Variants in PPFIA2 observed in about 807,000 individuals in gnomAD.
The protein encoded by PPFIA2 is PPFI scaffold protein A2.
Under a neutral mutation model 175.5 loss-of-function variants are expected in PPFIA2, and 46 were observed. The observed-to-expected ratio is 0.26, with a 90% CI of 0.21 to 0.34. The LOEUF (loss-of-function observed/expected upper bound fraction) is 0.34, where lower values mean the gene tolerates loss of function less well. PPFIA2 is among the 10% of genes least tolerant of loss of function. The pLI is 1.00. For synonymous variants in PPFIA2, 568 were observed against 511.4 expected (o/e 1.11, Z -1.49); for missense variants, 1,179 against 1,506.1 (o/e 0.78, Z 3.60).
intron 3 of PPFIA2, among the ~76,000 whole-genome samples, chr12:81,731,083 C>G (rs2080837789): frequency 6.6e-6 from 1 of 151,674 alleles, no homozygotes; most frequent in Non-Finnish European, 1.5e-5. Context: ...AACATCACTT[C>G]CACTGCTACG....
intron 3 of PPFIA2, among the ~76,000 whole-genome samples, chr12:81,727,233 A>G (rs919563288): frequency 2.0e-5 from 3 of 151,322 alleles, no homozygotes; most frequent in Non-Finnish European, 4.4e-5. Context: ...GCTTATTTAT[A>G]TAACTAAAGG....
chr12:81,424,244 A>G (rs1043499051), intron 7 of PPFIA2, among the ~76,000 whole-genome samples: 1 of 152,112 alleles, frequency 6.6e-6, no homozygotes, highest in Non-Finnish European at 1.5e-5. Context: ...GGAAAAATAG[A>G]TATCTTTACA....
chr12:81,707,003 C>A (rs377625270), intron 3 of PPFIA2, among the ~76,000 whole-genome samples: 1 of 151,906 alleles, frequency 6.6e-6, no homozygotes, highest in African/African-American at 2.4e-5. Flanking sequence ...TTCCTTACAC[C>A]TTATACAAAA....
chr12:81,474,596 T>C (rs1257558099), intron 4 of PPFIA2, among the ~76,000 whole-genome samples: 1 of 152,206 alleles, frequency 6.6e-6, no homozygotes, highest in African/African-American at 2.4e-5. Context: ...CTGGCCCTCT[T>C]GTGGAGTTTA....
chr12:81,463,961 T>C (rs924103691), intron 4 of PPFIA2, among the ~76,000 whole-genome samples: 1 of 152,146 alleles, frequency 6.6e-6, no homozygotes, highest in Non-Finnish European at 1.5e-5. Context: ...CCTGAATTTG[T>C]TACAAGTCTC....
At chr12:81,601,361 G>T (rs1056088954) in intron 4 of PPFIA2, among the ~76,000 whole-genome samples, 1 of 151,780 alleles carries the variant, frequency 6.6e-6, no homozygotes, top group Non-Finnish European at 1.5e-5. Context: ...AATAGGAAAG[G>T]TGTTGTCCAG....
chr12:81,380,666 C>G (rs539105893), intron 9 of PPFIA2, among the ~76,000 whole-genome samples: 1 of 152,186 alleles, frequency 6.6e-6, no homozygotes, highest in South Asian at 2.1e-4. Context: ...GTGGAAGAAG[C>G]ACAGGTTTTG....
rs143332799 is a variant in PPFIA2, at chr12:81,678,600, T to C, written c.250-1756A>G. Among the ~76,000 whole-genome samples the C allele has an allele frequency of 8.9e-3, 1,360 of 152,016 alleles. 20 individuals carry two copies. The highest frequency in any genetic ancestry group is 0.03 in the African/African-American group (1,252 of 41,542). The stretch of plus-strand genomic sequence containing the variant: ...TGGAAATGTATATATATTTTTTCTC[T>C]ACCCAGAATCCTTTTGAGAAACTAC... On this transcript the variant is annotated intron_variant, in intron 3 of 32. Coordinates refer to ENST00000549396, the MANE Select transcript of PPFIA2 (RefSeq NM_003625.5).
At chr12:81,404,283 A>T (rs897048964) in intron 8 of PPFIA2, among the ~76,000 whole-genome samples, 5 of 152,222 alleles carry the variant, frequency 3.3e-5, no homozygotes, top group African/African-American at 1.2e-4. Flanking sequence ...TAAATACAGC[A>T]TTATTATAGA....
chr12:81,325,996 C>A (rs1407435478), intron 21 of PPFIA2, 126 bp from the exon 22 acceptor site: 9 of 633,702 alleles, frequency 1.4e-5, no homozygotes, highest in Non-Finnish European at 2.5e-5. Flanking sequence ...CCTTATATTA[C>A]TAACCCAAGA....
intron 16 of PPFIA2, 22 bp downstream of exon 16, chr12:81,358,060 G>T: frequency 9.0e-6 from 14 of 1,552,720 alleles, no homozygotes; most frequent in Non-Finnish European, 1.2e-5. Context: ...AACTAGAGAA[G>T]AGTTGAAGTT....
At chr12:81,270,609 T>G (rs1202675380) in intron 28 of PPFIA2, 1 of 152,178 alleles carries the variant, frequency 6.6e-6, no homozygotes, top group African/African-American at 2.4e-5. Flanking sequence ...TGCCAGCAAA[T>G]CACCAGAAGT....
At chr12:81,451,944 T>C (rs903053000) in intron 5 of PPFIA2, among the ~76,000 whole-genome samples, 1 of 152,220 alleles carries the variant, frequency 6.6e-6, no homozygotes, top group African/African-American at 2.4e-5. Flanking sequence ...TTTAGCCTAA[T>C]ATTTAATAAT....
At chr12:81,599,811 T>C (rs1026856232) in intron 4 of PPFIA2, among the ~76,000 whole-genome samples, 2 of 151,904 alleles carry the variant, frequency 1.3e-5, no homozygotes, top group African/African-American at 4.8e-5. Context: ...ATGACCTTGA[T>C]GGTCTGGAGA....
chr12:81,653,963 G>A (rs1038132235), intron 4 of PPFIA2, among the ~76,000 whole-genome samples: 11 of 151,854 alleles, frequency 7.2e-5, no homozygotes, highest in African/African-American at 2.2e-4. Context: ...TATAAATATA[G>A]TAATATGTGC....
At chr12:81,262,707 T>C (rs1303597741) in intron 31 of PPFIA2, among the ~76,000 whole-genome samples, 1 of 152,222 alleles carries the variant, frequency 6.6e-6, no homozygotes, top group African/African-American at 2.4e-5. Context: ...AATTGGGAAA[T>C]TACTGTGTTT....
intron 4 of PPFIA2, among the ~76,000 whole-genome samples, chr12:81,574,482 T>C (rs2073145075): frequency 6.6e-6 from 1 of 151,658 alleles, no homozygotes; most frequent in Non-Finnish European, 1.5e-5. Context: ...TCAGAAGAGG[T>C]GATCCTTATT....
chr12:81,413,210 A>G (rs925749275), intron 7 of PPFIA2, among the ~76,000 whole-genome samples: 7 of 151,798 alleles, frequency 4.6e-5, no homozygotes, highest in Admixed American at 2.0e-4. Context: ...TGACTGACAA[A>G]CAGGAGGCAC....
rs188665290 is a variant in PPFIA2 at position 81,711,738 on chromosome 12, G to A, written c.250-34894C>T. Reference sequence around the variant, plus strand: ...AAAAGGCACACAAGTGTATCTTTCCGTCTCTGTGGTGAAGCTTCTCTTTTG... The same window carrying A: ...AAAAGGCACACAAGTGTATCTTTCCATCTCTGTGGTGAAGCTTCTCTTTTG... On this transcript the variant is annotated intron_variant, in intron 3 of 32. Transcript: ENST00000549396. 6.3e-4 allele frequency among the ~76,000 whole-genome samples: 94 copies of A among 149,192 alleles called. 4 individuals carry two copies. The highest frequency in any genetic ancestry group is 3.9e-3 in the Admixed American group (57 of 14,460).
Sources: gnomAD v4.1 joint callset for allele counts (sites outside exome capture counted in the v4.1 genomes callset) on GRCh38, gnomAD v4.1.1 for gene constraint, MANE v1.5 for transcripts, NCBI Gene and HGNC (gene_info 2026-07-23, HGNC 2026-07-21) for gene names.